OSBPL1A: variants seen among roughly 807,000 people sequenced by gnomAD.
OSBPL1A encodes oxysterol binding protein like 1A.
A neutral mutation model predicts 137.1 loss-of-function variants in OSBPL1A; 80 were observed. That is an observed-to-expected ratio of 0.58 (90% CI 0.49 to 0.70). The LOEUF (loss-of-function observed/expected upper bound fraction) is 0.70, where lower values mean the gene tolerates loss of function less well. Among genes scored for constraint, OSBPL1A ranks in the 30% least tolerant of loss-of-function variants. The probability of loss-of-function intolerance (pLI) is 0.00; values close to 1 mark genes in which losing one functional copy is unlikely to be tolerated. For missense variants in OSBPL1A, 970 were observed against 1,129.4 expected, an observed-to-expected ratio of 0.86 and a Z score of 2.02; for synonymous variants, 365 against 389.7, an observed-to-expected ratio of 0.94 and a Z score of 0.75.
chr18:24,363,945 C>T (rs75264351), intron 4 of OSBPL1A, among the ~76,000 whole-genome samples: 12,427 of 151,884 alleles, frequency 0.082, 542 homozygotes, highest in Middle Eastern at 0.1. Flanking sequence ...GCCTCTCTTA[C>T]ACTTCTAAGG....
chr18:24,182,768 A>G (rs938899247), intron 18 of OSBPL1A, among the ~76,000 whole-genome samples: 2 of 152,178 alleles, frequency 1.3e-5, no homozygotes, highest in African/African-American at 4.8e-5. Flanking sequence ...ATACACTCTA[A>G]GAGCTCATTA....
chr18:24,219,552 A>C (rs1342512887), intron 17 of OSBPL1A, among the ~76,000 whole-genome samples: 2 of 152,152 alleles, frequency 1.3e-5, no homozygotes, highest in Non-Finnish European at 2.9e-5. Flanking sequence ...CTTACAGATT[A>C]TGGCTGCCCT....
At chr18:24,359,602 A>G (rs2091591605) in intron 4 of OSBPL1A, among the ~76,000 whole-genome samples, 1 of 151,990 alleles carries the variant, frequency 6.6e-6, no homozygotes, top group Non-Finnish European at 1.5e-5. Context: ...TGTTGTGCCC[A>G]GACGTTCAAG....
At chr18:24,224,547 T>C (rs919933484) in intron 17 of OSBPL1A, among the ~76,000 whole-genome samples, 1 of 152,174 alleles carries the variant, frequency 6.6e-6, no homozygotes, top group African/African-American at 2.4e-5. Context: ...CTAATGTTAT[T>C]AGACAGTATA....
chr18:24,369,979 T>G (rs769822745), intron 2 of OSBPL1A, among the ~76,000 whole-genome samples: 9 of 152,178 alleles, frequency 5.9e-5, no homozygotes, highest in Non-Finnish European at 1.2e-4. Context: ...GCCAGCATTT[T>G]AGGAGGCCAA....
At chr18:24,289,418 G>GTTTTTTTTTTTTTT (rs536281272) in intron 14 of OSBPL1A, among the ~76,000 whole-genome samples, 2 of 94,200 alleles carry the variant, frequency 2.1e-5, no homozygotes, top group African/African-American at 4.2e-5. Flanking sequence ...GTTTTTTCCT[G>GTTTTTTTTTTTTTT]TTTTTTTTTT....
intron 2 of OSBPL1A, among the ~76,000 whole-genome samples, chr18:24,369,214 T>A (rs748409051): frequency 6.6e-6 from 1 of 152,194 alleles, no homozygotes; most frequent in Non-Finnish European, 1.5e-5. Flanking sequence ...ATGAGGATAT[T>A]GGGTTGCCAA....
chr18:24,362,537 A>G (rs1284657879), intron 4 of OSBPL1A, among the ~76,000 whole-genome samples: 1 of 152,254 alleles, frequency 6.6e-6, no homozygotes, highest in Non-Finnish European at 1.5e-5. Context: ...TAGAATAATG[A>G]AAAGTGTGAA....
At chr18:24,280,496 G>A (rs966101395) in intron 15 of OSBPL1A, among the ~76,000 whole-genome samples, 4 of 152,180 alleles carry the variant, frequency 2.6e-5, no homozygotes, top group African/African-American at 9.7e-5. Context: ...AAGTATGATA[G>A]TACTCTATTT....
chr18:24,320,724 A>G (rs1248017247), intron 7 of OSBPL1A, among the ~76,000 whole-genome samples: 1 of 152,146 alleles, frequency 6.6e-6, no homozygotes, highest in Non-Finnish European at 1.5e-5. Flanking sequence ...ACTCTGTCAA[A>G]GTGTTAAAAA....
chr18:24,177,236 C>T (rs1309156705), intron 21 of OSBPL1A, among the ~76,000 whole-genome samples: 1 of 152,188 alleles, frequency 6.6e-6, no homozygotes, highest in Non-Finnish European at 1.5e-5. Flanking sequence ...AAAATTAAAA[C>T]AGGATTTCCC....
In OSBPL1A at chr18:24,323,539, CTTT is replaced by C. The variant is rs763234169; in HGVS notation, c.626-4733_626-4731del. ...ACACCCAGCCAGGGTGAGGCTTTTT[CTTT>C]TTTTTTTTTTTTTTTTTTTATTATA... is the stretch of plus-strand genomic sequence containing the variant. On this transcript the variant is annotated intron_variant, in intron 7 of 27. Transcript: ENST00000319481. Among the ~76,000 whole-genome samples, 21 of 35,154 alleles carry C rather than the reference CTTT, an allele frequency of 6.0e-4. 2 individuals carry two copies. Among genetic ancestry groups the C allele is most frequent in the Middle Eastern group, 0.015 (1 of 66 alleles). The allele number at this position is 35,154 out of a possible 152,430, so 23.1% of individuals were successfully genotyped here. A position where few individuals can be genotyped will look rare whatever the true frequency, so the allele number is the denominator to read the frequency against.
Position 24,314,264 on chromosome 18 carries a change from A to C in OSBPL1A, c.954T>G (p.Leu318=). The change falls in exon 12 of 28, where the codon CTT becomes CTG. Residue 318 remains leucine (L), a synonymous_variant. Coordinates refer to ENST00000319481, the MANE Select transcript of OSBPL1A (RefSeq NM_080597.4). The stretch of plus-strand genomic sequence containing the variant: ...ATAAGATTACCTCTCTTGACTGCTG[A>C]AGGCTATTCTTAGGAACCCGGAAGC... ...IHGFRVPKNS[L]QQSREDWLEA... The C allele has an allele frequency of 6.2e-7, 1 of 1,605,072 alleles. No homozygotes were observed. Among genetic ancestry groups the C allele is most frequent in the Non-Finnish European group, 8.5e-7 (1 of 1,175,852 alleles).
chr18:24,280,951 A>T lies in OSBPL1A; in HGVS notation c.1175-3T>A. On this transcript the variant is annotated splice_polypyrimidine_tract_variant and splice_region_variant and intron_variant, in intron 14 of 27. Transcript: ENST00000319481. The stretch of plus-strand genomic sequence containing the variant: ...CTGAAGAAATGATGGAAGCATTTCT[A>T]TAAAGAAAAAAATAAATACAGTGAG... The T allele has an allele frequency of 6.3e-7, 1 of 1,575,590 alleles. No homozygotes were observed. Among genetic ancestry groups the T allele is most frequent in the Non-Finnish European group, 8.6e-7 (1 of 1,161,060 alleles).
chr18:24,241,840 A>G (rs2088704967), intron 15 of OSBPL1A, among the ~76,000 whole-genome samples: 1 of 152,192 alleles, frequency 6.6e-6, no homozygotes, highest in Non-Finnish European at 1.5e-5. Context: ...TGTTTATTGC[A>G]GCACTATTCA....
intron 4 of OSBPL1A, among the ~76,000 whole-genome samples, chr18:24,352,377 G>C (rs2091455730): frequency 6.6e-6 from 1 of 152,126 alleles, no homozygotes; most frequent in Non-Finnish European, 1.5e-5. Flanking sequence ...TAAGCCAACA[G>C]AAAATCTAAA....
At chr18:24,395,613 G>T (rs1364447428) in intron 1 of OSBPL1A, among the ~76,000 whole-genome samples, 1 of 1,466 alleles carries the variant, frequency 6.8e-4, no homozygotes. Context: ...ATGATGGGGA[G>T]AATTTTTTTT....
At chr18:24,294,122 G>T (rs2090243689) in intron 14 of OSBPL1A, among the ~76,000 whole-genome samples, 1 of 151,982 alleles carries the variant, frequency 6.6e-6, no homozygotes, top group Non-Finnish European at 1.5e-5. Context: ...GGGGGAATAG[G>T]TGGTGTTTGG....
At chr18:24,281,531 G>A (rs1211223149) in intron 14 of OSBPL1A, among the ~76,000 whole-genome samples, 2 of 151,712 alleles carry the variant, frequency 1.3e-5, no homozygotes, top group African/African-American at 4.8e-5. Context: ...GGGACTACAG[G>A]CACACGCTAT....
Sources: gnomAD v4.1 joint callset for allele counts (sites outside exome capture counted in the v4.1 genomes callset) on GRCh38, gnomAD v4.1.1 for gene constraint, MANE v1.5 for transcripts, NCBI Gene and HGNC (gene_info 2026-07-23, HGNC 2026-07-21) for gene names.